The following KCTD16 variants were observed in gnomAD, a reference collection of about 807,000 sequenced individuals.
KCTD16 encodes BTB/POZ domain-containing protein KCTD16.
A neutral mutation model predicts 33.2 loss-of-function variants in KCTD16; 13 were observed. The observed-to-expected ratio is 0.39, with a 90% confidence interval of 0.25 to 0.62. KCTD16 has a LOEUF of 0.62. KCTD16 is among the 20% of genes least tolerant of loss of function. The pLI is 0.50. For synonymous variants in KCTD16, 197 were observed against 195.3 expected, an observed-to-expected ratio of 1.01 and a Z score of -0.07; for missense variants, 441 against 525.1, an observed-to-expected ratio of 0.84 and a Z score of 1.57.
At chr5:144,467,003 A>G (rs1754351055) in intron 3 of KCTD16, among the ~76,000 whole-genome samples, 1 of 126,672 alleles carries the variant, frequency 7.9e-6, no homozygotes, top group Non-Finnish European at 1.7e-5. Flanking sequence ...TATATTATAT[A>G]TATTATATAT....
intron 3 of KCTD16, among the ~76,000 whole-genome samples, chr5:144,379,716 C>A (rs1752168369): frequency 6.6e-6 from 1 of 152,016 alleles, no homozygotes; most frequent in African/African-American, 2.4e-5. Context: ...GCAAACACAC[C>A]AAATAAGATC....
chr5:144,311,789 C>T (rs965506197), intron 3 of KCTD16, among the ~76,000 whole-genome samples: 3 of 152,102 alleles, frequency 2.0e-5, no homozygotes, highest in Non-Finnish European at 4.4e-5. Flanking sequence ...TATAATATTA[C>T]AGACTTTTAA....
intron 3 of KCTD16, among the ~76,000 whole-genome samples, chr5:144,452,003 T>G (rs1753953242): frequency 6.6e-6 from 1 of 152,014 alleles, no homozygotes; most frequent in Non-Finnish European, 1.5e-5. Flanking sequence ...TATCTAGTTC[T>G]GTTCTCTTTG....
At chr5:144,342,142 T>C (rs2126899621) in intron 3 of KCTD16, among the ~76,000 whole-genome samples, 1 of 152,334 alleles carries the variant, frequency 6.6e-6, no homozygotes, top group South Asian at 2.1e-4. Flanking sequence ...GGGGATGGCA[T>C]TGAATCTATA....
chr5:144,296,407 A>G (rs958739070), intron 3 of KCTD16, among the ~76,000 whole-genome samples: 21 of 152,230 alleles, frequency 1.4e-4, no homozygotes, highest in African/African-American at 5.1e-4. Flanking sequence ...GGCAACTCTC[A>G]TTCAAACAGA....
chr5:144,478,892 C>A lies in KCTD16; in HGVS notation c.*4778C>A, dbSNP rs1754647996. ...TTCATCTGCTGTCTGTCAACCATAA[C>A]CCTTTCTCCATATTGTGTGTGTATG... On this transcript the variant is annotated 3_prime_UTR_variant, in exon 4 of 4. Coordinates refer to ENST00000512467, the MANE Select transcript of KCTD16 (RefSeq NM_020768.4). 1 of 151,858 alleles carries A rather than the reference C, an allele frequency of 6.6e-6. No homozygotes were observed. The highest frequency in any genetic ancestry group is 2.4e-5 in the African/African-American group (1 of 41,402). 9.4% of individuals were successfully genotyped at this position (151,858 alleles called of 1,614,324 possible). A position where few individuals can be genotyped will look rare whatever the true frequency, so the allele number is the denominator to read the frequency against.
chr5:144,369,096 A>G (rs1360077475), intron 3 of KCTD16, among the ~76,000 whole-genome samples: 1 of 151,988 alleles, frequency 6.6e-6, no homozygotes, highest in African/African-American at 2.4e-5. Flanking sequence ...GCTTTGTGTG[A>G]GAGAGAAAAG....
chr5:144,326,794 A>G (rs543662976), intron 3 of KCTD16, among the ~76,000 whole-genome samples: 135 of 152,252 alleles, frequency 8.9e-4, no homozygotes, highest in African/African-American at 3.1e-3. Context: ...GAAATAAATT[A>G]TCCTTAACAA....
At chr5:144,193,074 C>T (rs764435339) in intron 2 of KCTD16, among the ~76,000 whole-genome samples, 1 of 152,236 alleles carries the variant, frequency 6.6e-6, no homozygotes, top group Non-Finnish European at 1.5e-5. Flanking sequence ...CTCATGTATT[C>T]TACTTCACTC....
intron 2 of KCTD16, among the ~76,000 whole-genome samples, chr5:144,188,634 A>G (rs1304313424): frequency 6.6e-6 from 1 of 152,248 alleles, no homozygotes; most frequent in East Asian, 1.9e-4. Context: ...ATAAAGAGGC[A>G]TCTAACCAAA....
intron 3 of KCTD16, among the ~76,000 whole-genome samples, chr5:144,255,392 T>A (rs1754817549): frequency 6.6e-6 from 1 of 152,106 alleles, no homozygotes; most frequent in East Asian, 1.9e-4. Flanking sequence ...TTTATTTAAG[T>A]TTTAGGGGAA....
In KCTD16 at chr5:144,299,108, A is replaced by T. The variant is rs552076621; in HGVS notation, c.832+91562A>T. Among the ~76,000 whole-genome samples the T allele has an allele frequency of 6.7e-4, 7 of 10,502 alleles. 1 individual carries two copies. Among genetic ancestry groups the T allele is most frequent in the Non-Finnish European group, 1.1e-3 (7 of 6,210 alleles). The allele number at this position is 10,502 out of a possible 152,430, so 6.9% of individuals were successfully genotyped here. On this transcript the variant is annotated intron_variant, in intron 3 of 3. Coordinates refer to ENST00000512467, the MANE Select transcript of KCTD16 (RefSeq NM_020768.4). ...TATATATCACTATGTATATATATATATATATATATATATATATATATATAT... is the reference window on the plus strand; with the variant it reads ...TATATATCACTATGTATATATATATTTATATATATATATATATATATATAT...
intron 3 of KCTD16, among the ~76,000 whole-genome samples, chr5:144,254,418 T>C (rs1172469185): frequency 1.3e-5 from 2 of 152,154 alleles, no homozygotes. Flanking sequence ...GGGAAACAGT[T>C]TCCTTGCATT....
intron 3 of KCTD16, among the ~76,000 whole-genome samples, chr5:144,425,024 G>A (rs1290841448): frequency 6.6e-6 from 1 of 152,032 alleles, no homozygotes; most frequent in Non-Finnish European, 1.5e-5. Flanking sequence ...CAAGTCCAAA[G>A]TCCAGAGTCT....
chr5:144,410,203 G>T (rs893607249), intron 3 of KCTD16, among the ~76,000 whole-genome samples: 1 of 152,304 alleles, frequency 6.6e-6, no homozygotes, highest in African/African-American at 2.4e-5. Flanking sequence ...AGGGGAGGCT[G>T]TCCTAGCTTG....
chr5:144,458,165 G>A (rs1754112849), intron 3 of KCTD16, among the ~76,000 whole-genome samples: 1 of 152,158 alleles, frequency 6.6e-6, no homozygotes, highest in Non-Finnish European at 1.5e-5. Flanking sequence ...CAAGCACCAA[G>A]CAGAGCACTT....
intron 3 of KCTD16, among the ~76,000 whole-genome samples, chr5:144,418,154 G>A (rs961088093): frequency 6.6e-6 from 1 of 152,180 alleles, no homozygotes; most frequent in Non-Finnish European, 1.5e-5. Context: ...GAGTGAAGCT[G>A]AAGACCTTCT....
intron 3 of KCTD16, among the ~76,000 whole-genome samples, chr5:144,265,893 A>T (rs1755129724): frequency 6.6e-6 from 1 of 152,222 alleles, no homozygotes; most frequent in Admixed American, 6.5e-5. Flanking sequence ...TCAAAGCTAG[A>T]TATATCTAAT....
intron 3 of KCTD16, among the ~76,000 whole-genome samples, chr5:144,273,177 T>C (rs1755347764): frequency 6.6e-6 from 1 of 152,072 alleles, no homozygotes. Context: ...ACTAATTCTC[T>C]AAAGAGGATA....
Sources: allele counts gnomAD v4.1 joint callset (sites outside exome capture counted in the v4.1 genomes callset), GRCh38; gene constraint gnomAD v4.1.1; transcripts MANE v1.5; gene names NCBI Gene and HGNC (gene_info 2026-07-23, HGNC 2026-07-21).